Variants in KLB observed in about 807,000 individuals in gnomAD.
KLB encodes klotho beta.
KLB carries 44 observed loss-of-function variants against 88.4 expected under a neutral mutation model. The observed-to-expected ratio is 0.50, with a 90% CI of 0.39 to 0.64. The LOEUF (loss-of-function observed/expected upper bound fraction) is 0.64, where lower values mean the gene tolerates loss of function less well. Ranked by LOEUF, KLB falls within the 30% of genes least tolerant of loss-of-function variation. The pLI, the probability that KLB is intolerant of heterozygous loss-of-function variation, is 0.00. For synonymous variants in KLB, 548 were observed against 513.4 expected (o/e 1.07, Z -0.91); for missense variants, 1,137 against 1,304.8 (o/e 0.87, Z 1.98).
rs1743868750 is a variant in KLB at position 39,450,555 on chromosome 4, A to C, written c.*1869A>C. 1 of 152,166 alleles carries C rather than the reference A, an allele frequency of 6.6e-6. No homozygotes were observed. Among genetic ancestry groups the C allele is most frequent in the South Asian group, 2.1e-4 (1 of 4,826 alleles). 9.4% of individuals were successfully genotyped at this position (152,166 alleles called of 1,614,324 possible). On this transcript the variant is annotated 3_prime_UTR_variant, in exon 5 of 5. Coordinates refer to ENST00000257408, the MANE Select transcript of KLB (RefSeq NM_175737.4). ...GTAAAATTCTGCTTTACTCTTCTCT[A>C]GTCTCCTTGCCCCAGCTGCACCCAC...
chr4:39,445,466 G>A (rs1743716135), intron 3 of KLB, among the ~76,000 whole-genome samples: 1 of 151,438 alleles, frequency 6.6e-6, no homozygotes, highest in South Asian at 2.1e-4. Flanking sequence ...GGGGAGACAT[G>A]ATGGATGCAA....
intron 1 of KLB, among the ~76,000 whole-genome samples, chr4:39,431,555 G>A (rs1282740388): frequency 2.6e-5 from 4 of 152,134 alleles, no homozygotes; most frequent in Non-Finnish European, 4.4e-5. Context: ...CCGGCCCGAG[G>A]AAAGCATTCT....
chr4:39,415,202 T>G (rs2109821611), intron 1 of KLB, among the ~76,000 whole-genome samples: 1 of 152,296 alleles, frequency 6.6e-6, no homozygotes, highest in South Asian at 2.1e-4. Context: ...CGTGAGCCAC[T>G]GCGCCTGTCC....
intron 2 of KLB, 46 bp downstream of exon 2, chr4:39,434,766 C>T (rs1369107580): frequency 1.7e-5 from 24 of 1,442,336 alleles, no homozygotes; most frequent in Non-Finnish European, 2.2e-5. Flanking sequence ...TAAAAACTTA[C>T]AGGATATTTA....
In KLB at chr4:39,448,992, C is replaced by T. The variant is rs952342505; in HGVS notation, c.*306C>T. Reference sequence around the variant, plus strand: ...CATTCTGCTTTAGCTTTCATCTCTACCAATAGCTACTTGTGGTACAATAAA... The same window carrying T: ...CATTCTGCTTTAGCTTTCATCTCTATCAATAGCTACTTGTGGTACAATAAA... On this transcript the variant is annotated 3_prime_UTR_variant, in exon 5 of 5. Transcript: ENST00000257408. The T allele has an allele frequency of 4.4e-5, 11 of 252,202 alleles. No homozygotes were observed. The highest frequency in any genetic ancestry group is 8.4e-5 in the Non-Finnish European group (11 of 131,626). The allele number at this position is 252,202 out of a possible 1,614,324, so 15.6% of individuals were successfully genotyped here. A position where few individuals can be genotyped will look rare whatever the true frequency, so the allele number is the denominator to read the frequency against.
At position 39,434,666 on chromosome 4, in the gene KLB, G is replaced by C. The variant is rs1410751372; in HGVS notation, c.1282G>C (p.Glu428Gln). 2 of 1,614,154 alleles carry C rather than the reference G, an allele frequency of 1.2e-6. No individual in the cohort carries two copies. The highest frequency in any genetic ancestry group is 2.2e-5 in the South Asian group (2 of 91,082). ...GTTCACAGACAGTCGTGTGAAAACA[G>C]AAGACACCACGGCCATCTACATGAT... The part of the protein sequence containing the change: ...GWFTDSRVKT[E>Q]DTTAIYMMKN... Residue 428 changes from glutamate to glutamine, a missense_variant, in exon 2 of 5, where the codon GAA (glutamate) becomes CAA (glutamine). Physicochemically the swap from Glu to Gln is conservative, Grantham distance 29. This residue lies in a region of KLB where 597 missense variants were observed against 765.2 expected (regional missense o/e 0.78). Transcript: ENST00000257408.
intron 1 of KLB, among the ~76,000 whole-genome samples, chr4:39,427,976 G>T (rs180935713): frequency 2.0e-5 from 3 of 152,134 alleles, no homozygotes; most frequent in African/African-American, 7.2e-5. Context: ...GTTATTTCCC[G>T]TATAGTACCA....
chr4:39,446,228 G>A lies in KLB; in HGVS notation c.1606-104G>A, dbSNP rs145912102. 0.013 allele frequency: 13,019 copies of A among 1,005,440 alleles called. 131 individuals carry two copies. The highest frequency in any genetic ancestry group is 0.016 in the Non-Finnish European group (11,250 of 688,968). 62.3% of individuals were successfully genotyped at this position (1,005,440 alleles called of 1,614,324 possible). The stretch of plus-strand genomic sequence containing the variant: ...TTTCAAGGGCTGGAATAGGCCTGGC[G>A]TGGTGGCCTGTAATCCCAGCACTTT... On this transcript the variant is annotated intron_variant, in intron 3 of 4. Transcript: ENST00000257408. The surrounding 1 kb of genome is among the most constrained non-coding windows in gnomAD (Gnocchi z 6.4).
Position 39,407,108 on chromosome 4 carries a change from C to T in KLB, c.159C>T (p.Phe53=). ...ALILLRAVTG[F]SGDGRAIWSK... ...TTCTGCTACGAGCTGTTACTGGATT[C>T]TCTGGAGATGGAAGAGCTATATGGT... The change falls in exon 1 of 5, where the codon TTC becomes TTT. Residue 53 remains phenylalanine (F), a synonymous_variant. Transcript: ENST00000257408. 1 of 1,614,146 alleles carries T rather than the reference C, an allele frequency of 6.2e-7. No individual in the cohort carries two copies. The highest frequency in any genetic ancestry group is 1.3e-5 in the African/African-American group (1 of 75,038).
At chr4:39,442,158 C>T (rs1578213618) in intron 3 of KLB, among the ~76,000 whole-genome samples, 1 of 151,870 alleles carries the variant, frequency 6.6e-6, no homozygotes, top group African/African-American at 2.4e-5. Flanking sequence ...GCAGGAGAAT[C>T]GCTTGAGCCC....
chr4:39,413,949 T>C, intron 1 of KLB, among the ~76,000 whole-genome samples: 1 of 152,134 alleles, frequency 6.6e-6, no homozygotes, highest in East Asian at 1.9e-4. Context: ...TTCTTTGCTG[T>C]GGTAGGCTGT....
At chr4:39,447,893 G>A (rs1251310737) in intron 4 of KLB, among the ~76,000 whole-genome samples, 1 of 152,178 alleles carries the variant, frequency 6.6e-6, no homozygotes, top group Admixed American at 6.5e-5. Flanking sequence ...GCTTAAGCGA[G>A]CGACAGTGAG....
chr4:39,441,965 G>A (rs1560652548), intron 3 of KLB, among the ~76,000 whole-genome samples: 2 of 152,018 alleles, frequency 1.3e-5, no homozygotes, highest in African/African-American at 4.8e-5. Context: ...AGCCAGACCG[G>A]GCATGGTGAC....
At chr4:39,409,353 C>T (rs562553502) in intron 1 of KLB, among the ~76,000 whole-genome samples, 1 of 148,890 alleles carries the variant, frequency 6.7e-6, no homozygotes. Context: ...AGTGCAATGG[C>T]GCAGTCTTGG....
chr4:39,412,037 T>C (rs1742863841), intron 1 of KLB: 1 of 151,736 alleles, frequency 6.6e-6, no homozygotes, highest in Admixed American at 6.6e-5. Flanking sequence ...TACAGAAGGA[T>C]ATAATCAACT....
rs547037583 is a variant in KLB at position 39,434,275 on chromosome 4, G to A, written c.891G>A (p.Ser297=). The A allele has an allele frequency of 3.7e-6, 6 of 1,614,052 alleles. No individual in the cohort carries two copies. The highest frequency in any genetic ancestry group is 3.3e-5 in the Admixed American group (2 of 60,008). Residue 297 remains serine, a synonymous_variant, in exon 2 of 5, where the codon TCG becomes TCA. Coordinates refer to ENST00000257408, the MANE Select transcript of KLB (RefSeq NM_175737.4). Reference sequence around the variant, plus strand: ...GCCCACATCAGAAGGGTTGGTTATCGATCACGTTGGGATCTCATTGGATCG... The same window carrying A: ...GCCCACATCAGAAGGGTTGGTTATCAATCACGTTGGGATCTCATTGGATCG... The part of the protein sequence containing the change: ...HFRPHQKGWL[S]ITLGSHWIEP...
intron 3 of KLB, 29 bp downstream of exon 3, chr4:39,438,024 A>T: frequency 6.3e-7 from 1 of 1,591,672 alleles, no homozygotes; most frequent in Non-Finnish European, 8.6e-7. Context: ...ATTAACCATA[A>T]ACTGGGAAAA....
At chr4:39,415,513 T>A (rs1742947007) in intron 1 of KLB, among the ~76,000 whole-genome samples, 1 of 152,118 alleles carries the variant, frequency 6.6e-6, no homozygotes, top group Admixed American at 6.6e-5. Context: ...AAAAAATAAA[T>A]AAAATTTCAA....
intron 3 of KLB, among the ~76,000 whole-genome samples, chr4:39,445,509 T>C (rs1578215440): frequency 6.7e-6 from 1 of 150,252 alleles, no homozygotes; most frequent in South Asian, 2.1e-4. Context: ...CTTTTCTTTT[T>C]TTTTTTTTTT....
Sources: allele counts gnomAD v4.1 joint callset (sites outside exome capture counted in the v4.1 genomes callset), GRCh38; gene constraint gnomAD v4.1.1; regional missense constraint gnomAD v4.1.1; non-coding constraint Gnocchi (gnomAD v3.1); transcripts MANE v1.5; gene names NCBI Gene and HGNC (gene_info 2026-07-23, HGNC 2026-07-21).